Variants in COL4A2 observed in about 807,000 individuals in gnomAD.
COL4A2 encodes the protein collagen alpha-2(IV) chain.
Under a neutral mutation model 200.2 loss-of-function variants are expected in COL4A2, and 99 were observed. The observed-to-expected ratio is 0.49, with a 90% confidence interval of 0.42 to 0.58. COL4A2 has a LOEUF of 0.58. COL4A2 is among the 20% of genes least tolerant of loss of function. The pLI, the probability that COL4A2 is intolerant of heterozygous loss-of-function variation, is 0.00. For synonymous variants in COL4A2, 897 were observed against 900.6 expected, an observed-to-expected ratio of 1.00 and a Z score of 0.07; for missense variants, 1,950 against 2,314.1, an observed-to-expected ratio of 0.84 and a Z score of 3.23.
chr13:110,432,723 T>C (rs1405337022), intron 11 of COL4A2, among the ~76,000 whole-genome samples: 1 of 152,252 alleles, frequency 6.6e-6, no homozygotes, highest in Admixed American at 6.5e-5. Flanking sequence ...AATGTAACTC[T>C]ATCTGTTGTA....
chr13:110,429,821 C>G (rs1880607260), intron 7 of COL4A2, 64 bp from the exon 8 acceptor site: 1 of 1,499,764 alleles, frequency 6.7e-7, no homozygotes, highest in South Asian at 1.1e-5. Context: ...ATTACCATAG[C>G]TGCACCGAAT....
intron 39 of COL4A2, 60 bp downstream of exon 39, chr13:110,493,342 T>C: frequency 6.5e-7 from 1 of 1,549,568 alleles, no homozygotes; most frequent in Non-Finnish European, 8.9e-7. Context: ...GGGGACTCTG[T>C]GCTGAGTCTG....
chr13:110,432,646 C>G (rs949226621), intron 11 of COL4A2, among the ~76,000 whole-genome samples: 1 of 152,176 alleles, frequency 6.6e-6, no homozygotes, highest in African/African-American at 2.4e-5. Context: ...TTGATTGAAA[C>G]GAAGATTAGA....
At chr13:110,364,898 A>T (rs527873866) in intron 4 of COL4A2, among the ~76,000 whole-genome samples, 1 of 152,298 alleles carries the variant, frequency 6.6e-6, no homozygotes, top group South Asian at 2.1e-4. Context: ...TAAAATTTAA[A>T]ATTCAGTTAT....
At chr13:110,510,293 G>A (rs749229748) in intron 47 of COL4A2, among the ~76,000 whole-genome samples, 43 of 152,356 alleles carry the variant, frequency 2.8e-4, no homozygotes, top group Middle Eastern at 6.8e-3. Context: ...GCAGAGCCCC[G>A]GATGCAGACT....
intron 28 of COL4A2, among the ~76,000 whole-genome samples, chr13:110,472,166 A>AT (rs398070435): frequency 2.9e-5 from 4 of 136,352 alleles, no homozygotes; most frequent in Middle Eastern, 4.3e-3. Flanking sequence ...CCCAGGCTGG[A>AT]GTGCAGTGGT....
chr13:110,442,087 C>CAAAAAA (rs10530153), intron 16 of COL4A2, among the ~76,000 whole-genome samples: 4 of 47,640 alleles, frequency 8.4e-5, no homozygotes, highest in South Asian at 1.3e-3. Context: ...CTCTCTGTCT[C>CAAAAAA]AAAAAAAAAA....
intron 4 of COL4A2, among the ~76,000 whole-genome samples, chr13:110,370,501 C>A (rs1464471181): frequency 1.3e-5 from 2 of 152,330 alleles, no homozygotes; most frequent in East Asian, 1.9e-4. Flanking sequence ...GTGGTCCGCC[C>A]ACCTTGGCCT....
chr13:110,424,641 A>AAAC lies in COL4A2; in HGVS notation c.181-91_181-90insCAA, dbSNP rs1555328098. The AAAC allele has an allele frequency of 8.7e-6, 4 of 457,900 alleles. No homozygotes were observed. The African/African-American group carries it at 1.2e-4, about 14-fold the overall frequency. 28.4% of individuals were successfully genotyped at this position (457,900 alleles called of 1,614,324 possible). On this transcript the variant is annotated intron_variant, in intron 4 of 47. Coordinates refer to ENST00000360467, the MANE Select transcript of COL4A2 (RefSeq NM_001846.4). ...CTGTAGATTATAGCTCTTTAAAAACAAAAAAAAAAATGTAGTTTTGAAAGT... is the reference window on the plus strand; with the variant it reads ...CTGTAGATTATAGCTCTTTAAAAACAAACAAAAAAAAAATGTAGTTTTGAAAGT...
chr13:110,367,948 G>A (rs905022964), intron 4 of COL4A2, among the ~76,000 whole-genome samples: 3 of 152,178 alleles, frequency 2.0e-5, no homozygotes, highest in African/African-American at 7.2e-5. Context: ...AAGAAAGAGA[G>A]GATTGAATAA....
At chr13:110,434,350 C>A in intron 11 of COL4A2, 51 bp from the exon 12 acceptor site, 1 of 1,535,156 alleles carries the variant, frequency 6.5e-7, no homozygotes, top group South Asian at 1.2e-5. Flanking sequence ...AATTTTATTT[C>A]TCTCTGATTA....
rs146887419 is a variant in COL4A2, at chr13:110,492,035, T to C, written c.3455-35T>C. On this transcript the variant is annotated intron_variant, in intron 37 of 47. Transcript: ENST00000360467. ...TCACCACACAGCGCCCAAGGTGTCC[T>C]GTGTGCTCAGACTTAATGCTGTGTT... 11,640 of 1,535,560 alleles carry C rather than the reference T, an allele frequency of 7.6e-3. 87 individuals are homozygous for C. Among genetic ancestry groups the C allele is most frequent in the Middle Eastern group, 0.026 (153 of 5,932 alleles).
chr13:110,347,970 A>G (rs1287541434), intron 3 of COL4A2, among the ~76,000 whole-genome samples: 2 of 152,260 alleles, frequency 1.3e-5, no homozygotes, highest in Non-Finnish European at 2.9e-5. Flanking sequence ...GAATGATCCC[A>G]TTCCTCAGGT....
At position 110,508,527 on chromosome 13, in the gene COL4A2, G is replaced by C. The variant is rs1212855265; in HGVS notation, c.4881+306G>C. Among the ~76,000 whole-genome samples the C allele has an allele frequency of 6.6e-6, 1 of 152,206 alleles. No homozygotes were observed. The highest frequency in any genetic ancestry group is 1.5e-5 in the Non-Finnish European group (1 of 68,030). On this transcript the variant is annotated intron_variant, in intron 47 of 47. Transcript: ENST00000360467. The surrounding 1 kb of genome is among the most constrained non-coding windows in gnomAD (Gnocchi z 6.1). ...TACTAGGTACAACACCAACACCAAA[G>C]GTGCAGCTGCTTTGGGTTTACCAGA...
intron 45 of COL4A2, among the ~76,000 whole-genome samples, chr13:110,504,597 C>A (rs1303556239): frequency 6.6e-6 from 1 of 152,184 alleles, no homozygotes; most frequent in African/African-American, 2.4e-5. Context: ...CACTGCGAAG[C>A]CCTGTCTTAC....
chr13:110,511,078 ATTC>A (rs1884067582), intron 47 of COL4A2, among the ~76,000 whole-genome samples: 1 of 152,116 alleles, frequency 6.6e-6, no homozygotes, highest in Admixed American at 6.5e-5. Flanking sequence ...AGATATTTCT[ATTC>A]TAAGTAAACA....
chr13:110,430,638 G>A (rs988508564), intron 10 of COL4A2, 31 bp downstream of exon 10: 2 of 1,613,884 alleles, frequency 1.2e-6, no homozygotes, highest in African/African-American at 2.7e-5. Flanking sequence ...GCCCACTCTG[G>A]GACCATCGTC....
chr13:110,468,342 A>C (rs542314963), intron 27 of COL4A2: 1 of 471,368 alleles, frequency 2.1e-6, no homozygotes, highest in African/African-American at 2.0e-5. Context: ...CATGGATTTC[A>C]ACACCGTCAC....
At chr13:110,383,945 C>T (rs1243669525) in intron 4 of COL4A2, among the ~76,000 whole-genome samples, 1 of 152,190 alleles carries the variant, frequency 6.6e-6, no homozygotes, top group African/African-American at 2.4e-5. Flanking sequence ...GCAACACTCA[C>T]ACTGATGCAC....
Sources: gnomAD v4.1 joint callset for allele counts (sites outside exome capture counted in the v4.1 genomes callset) on GRCh38, gnomAD v4.1.1 for gene constraint, Gnocchi (gnomAD v3.1) non-coding constraint, MANE v1.5 for transcripts, NCBI Gene and HGNC (gene_info 2026-07-23, HGNC 2026-07-21) for gene names.